CSMD1: variants seen among roughly 807,000 people sequenced by gnomAD.
CSMD1 encodes CUB and Sushi multiple domains 1.
A neutral mutation model predicts 417.5 loss-of-function variants in CSMD1; 213 were observed. That is an observed-to-expected ratio of 0.51 (90% CI 0.46 to 0.57). CSMD1 has a LOEUF of 0.57. Among genes scored for constraint, CSMD1 ranks in the 20% least tolerant of loss-of-function variants. CSMD1 has a pLI of 0.00. For missense variants in CSMD1, 6,923 were observed against 4,529.7 expected, an observed-to-expected ratio of 1.53 and a Z score of -15.17; for synonymous variants, 2,862 against 1,736.8, an observed-to-expected ratio of 1.65 and a Z score of -16.11.
chr8:4,478,984 A>T (rs1447320056), intron 2 of CSMD1, among the ~76,000 whole-genome samples: 1 of 152,190 alleles, frequency 6.6e-6, no homozygotes, highest in Non-Finnish European at 1.5e-5. Context: ...CCCCAAAAGG[A>T]ACGATAATTC....
chr8:3,957,075 G>A (rs1040342838), intron 5 of CSMD1, among the ~76,000 whole-genome samples: 1 of 152,106 alleles, frequency 6.6e-6, no homozygotes, highest in Non-Finnish European at 1.5e-5. Context: ...AACGCCGGGG[G>A]AGGCTCTGTA....
chr8:3,859,129 C>G (rs1405307809), intron 5 of CSMD1, among the ~76,000 whole-genome samples: 1 of 152,176 alleles, frequency 6.6e-6, no homozygotes, highest in East Asian at 1.9e-4. Flanking sequence ...TATGATTCAA[C>G]CTATCTCTAC....
At chr8:4,246,195 C>T (rs1802699783) in intron 3 of CSMD1, among the ~76,000 whole-genome samples, 1 of 152,118 alleles carries the variant, frequency 6.6e-6, no homozygotes, top group Non-Finnish European at 1.5e-5. Context: ...CTCCAAAAGG[C>T]CCCAGTGTGT....
chr8:4,195,770 A>C (rs1012484355), intron 3 of CSMD1, among the ~76,000 whole-genome samples: 1 of 152,164 alleles, frequency 6.6e-6, no homozygotes, highest in Admixed American at 6.5e-5. Context: ...GAGGTAGTGG[A>C]TTCTGCACAC....
intron 2 of CSMD1, among the ~76,000 whole-genome samples, chr8:4,609,917 G>A (rs938329345): frequency 1.3e-5 from 2 of 151,984 alleles, no homozygotes; most frequent in African/African-American, 4.8e-5. Flanking sequence ...CCTTTACAAG[G>A]AAATTATCAG....
At chr8:3,747,697 A>G (rs1797127847) in intron 6 of CSMD1, among the ~76,000 whole-genome samples, 1 of 152,054 alleles carries the variant, frequency 6.6e-6, no homozygotes, top group Non-Finnish European at 1.5e-5. Context: ...TTTCTGTTGG[A>G]CACATGCCTG....
chr8:4,296,411 G>A (rs1455773336), intron 3 of CSMD1, among the ~76,000 whole-genome samples: 1 of 152,124 alleles, frequency 6.6e-6, no homozygotes, highest in Non-Finnish European at 1.5e-5. Flanking sequence ...AAAATAAAGG[G>A]TTATCACAAG....
At chr8:3,264,956 A>G (rs978770161) in intron 26 of CSMD1, among the ~76,000 whole-genome samples, 2 of 152,144 alleles carry the variant, frequency 1.3e-5, no homozygotes, top group African/African-American at 4.8e-5. Context: ...AATAACGATG[A>G]ATGCTGCTAA....
intron 49 of CSMD1, among the ~76,000 whole-genome samples, chr8:3,083,654 T>A (rs1359405815): frequency 6.4e-3 from 217 of 34,036 alleles, no homozygotes; most frequent in South Asian, 0.049. Context: ...ATATATTTTT[T>A]TTTTTTTTTT....
At chr8:3,247,399 C>T (rs558816010) in intron 26 of CSMD1, among the ~76,000 whole-genome samples, 54 of 152,276 alleles carry the variant, frequency 3.5e-4, no homozygotes, top group Middle Eastern at 3.4e-3. Context: ...ATTGTGACCC[C>T]TCTGCTGACT....
intron 3 of CSMD1, among the ~76,000 whole-genome samples, chr8:4,395,253 TTC>T (rs1291077959): frequency 6.6e-6 from 1 of 152,178 alleles, no homozygotes; most frequent in Non-Finnish European, 1.5e-5. Context: ...TTCTTTTATC[TTC>T]TCTCTTACTC....
chr8:3,924,636 G>C (rs1444614760), intron 5 of CSMD1, among the ~76,000 whole-genome samples: 3 of 152,082 alleles, frequency 2.0e-5, no homozygotes, highest in Non-Finnish European at 4.4e-5. Context: ...GATTGGTTGA[G>C]TCTGCTGTTT....
chr8:4,675,747 A>T (rs151118468), intron 1 of CSMD1, among the ~76,000 whole-genome samples: 1 of 152,116 alleles, frequency 6.6e-6, no homozygotes, highest in Non-Finnish European at 1.5e-5. Context: ...ACTCCCTTAC[A>T]TTGCATTCTA....
At chr8:3,677,073 C>T (rs1463278100) in intron 7 of CSMD1, among the ~76,000 whole-genome samples, 1 of 152,026 alleles carries the variant, frequency 6.6e-6, no homozygotes. Context: ...AAAAACTAGA[C>T]ATTGGGTAGA....
intron 7 of CSMD1, among the ~76,000 whole-genome samples, chr8:3,643,381 TC>T (rs1212159622): frequency 1.1e-4 from 17 of 152,010 alleles, no homozygotes; most frequent in African/African-American, 4.1e-4. Flanking sequence ...ATGACAGACC[TC>T]CAGAGTCCCT....
At chr8:3,180,345 G>A (rs900329765) in intron 37 of CSMD1, among the ~76,000 whole-genome samples, 4 of 152,124 alleles carry the variant, frequency 2.6e-5, no homozygotes, top group Non-Finnish European at 5.9e-5. Flanking sequence ...CACAAATGCA[G>A]GCTCCGGAGC....
intron 5 of CSMD1, among the ~76,000 whole-genome samples, chr8:3,856,750 G>T (rs1273797930): frequency 6.6e-6 from 1 of 152,142 alleles, no homozygotes; most frequent in East Asian, 1.9e-4. Flanking sequence ...TGTTTCCTTT[G>T]CCATGGTGTC....
intron 3 of CSMD1, among the ~76,000 whole-genome samples, chr8:4,384,017 C>T (rs909890685): frequency 6.6e-6 from 1 of 150,832 alleles, no homozygotes; most frequent in Non-Finnish European, 1.5e-5. Context: ...CAGGGACCAC[C>T]CCCCGCCTCA....
chr8:4,958,041 T>A lies in CSMD1; in HGVS notation c.85+36291A>T, dbSNP rs559893909. Among the ~76,000 whole-genome samples the A allele has an allele frequency of 7.2e-5, 11 of 152,312 alleles. No individual in the cohort carries two copies. The South Asian group carries it at 1.7e-3, about 23-fold the overall frequency. On this transcript the variant is annotated intron_variant, in intron 1 of 69. Coordinates refer to ENST00000635120, the MANE Select transcript of CSMD1 (RefSeq NM_033225.6). ...CACGACGTTGAGGAGAAAGCATCTT[T>A]AGCATTCATTTGATAAGAGGGAGCT... is the stretch of plus-strand genomic sequence containing the variant.
Sources: gnomAD v4.1 joint callset for allele counts (sites outside exome capture counted in the v4.1 genomes callset) on GRCh38, gnomAD v4.1.1 for gene constraint, MANE v1.5 for transcripts, NCBI Gene and HGNC (gene_info 2026-07-23, HGNC 2026-07-21) for gene names.